Variants in FOCAD observed in about 807,000 individuals in gnomAD.
FOCAD encodes focadhesin.
FOCAD carries 198 observed loss-of-function variants against 225.6 expected under a neutral mutation model. That is an observed-to-expected ratio of 0.88 (90% CI 0.78 to 0.99). FOCAD has a LOEUF of 0.99. Among genes scored for constraint, FOCAD ranks in the 50% least tolerant of loss-of-function variants. FOCAD has a pLI of 0.00. For missense variants in FOCAD, 2,713 were observed against 2,123.6 expected (o/e 1.28, Z -5.46); for synonymous variants, 897 against 755.0 (o/e 1.19, Z -3.08).
intron 19 of FOCAD, among the ~76,000 whole-genome samples, chr9:20,877,535 A>G (rs113734522): frequency 3.3e-5 from 5 of 152,328 alleles, no homozygotes; most frequent in African/African-American, 1.2e-4. Flanking sequence ...CAATCTAACA[A>G]TTATGAGCAG....
intron 15 of FOCAD, among the ~76,000 whole-genome samples, chr9:20,859,440 C>G (rs756958132): frequency 6.7e-6 from 1 of 149,962 alleles, no homozygotes; most frequent in Admixed American, 6.7e-5. Flanking sequence ...TGCAGGTAGT[C>G]TGTATTTTTT....
chr9:20,757,575 T>A (rs1055936096), intron 5 of FOCAD, among the ~76,000 whole-genome samples: 1 of 152,190 alleles, frequency 6.6e-6, no homozygotes, highest in African/African-American at 2.4e-5. Context: ...TTTTTTCTAT[T>A]CTTAAATATG....
At chr9:20,907,434 A>C (rs1387501783) in intron 22 of FOCAD, among the ~76,000 whole-genome samples, 192 bp downstream of exon 22, 6 of 151,910 alleles carry the variant, frequency 3.9e-5, no homozygotes, top group African/African-American at 7.3e-5. Flanking sequence ...ATGCCCCCCA[A>C]ATCCATGTGT....
At chr9:20,881,006 AT>A (rs1830622255) in intron 19 of FOCAD, among the ~76,000 whole-genome samples, 1 of 152,168 alleles carries the variant, frequency 6.6e-6, no homozygotes, top group South Asian at 2.1e-4. Flanking sequence ...TTCTGTTATT[AT>A]ATAGTAAGTA....
At chr9:20,659,590 C>G (rs79458722) in intron 2 of FOCAD, among the ~76,000 whole-genome samples, 1 of 152,018 alleles carries the variant, frequency 6.6e-6, no homozygotes, top group African/African-American at 2.4e-5. Flanking sequence ...AGCTAGGCCT[C>G]GGGAGAAAGC....
Position 20,916,929 on chromosome 9 carries a change from A to C in FOCAD, c.2844A>C (p.Ala948=). ...TGCTGACTGATGAGATCACCAAGGC[A>C]GCTGCAAAGTAAGATCCATTTAGTC... ...RDMLTDEITK[A]AAKESPVVKG... is the part of the protein sequence containing the mutation. The change falls in exon 24 of 44, where the codon GCA becomes GCC. Residue 948 remains alanine (A), a synonymous_variant. Transcript: ENST00000338382. The C allele has an allele frequency of 1.9e-6, 3 of 1,603,728 alleles. No homozygotes were observed. The highest frequency in any genetic ancestry group is 2.6e-6 in the Non-Finnish European group (3 of 1,176,094).
At chr9:20,859,651 A>G (rs1160568778) in intron 15 of FOCAD, among the ~76,000 whole-genome samples, 2 of 147,816 alleles carry the variant, frequency 1.4e-5, no homozygotes, top group African/African-American at 4.9e-5. Context: ...AAATTATTTA[A>G]ACTTATGGAA....
chr9:20,738,275 T>C (rs540259901), intron 4 of FOCAD, among the ~76,000 whole-genome samples: 11 of 152,224 alleles, frequency 7.2e-5, no homozygotes, highest in South Asian at 6.2e-4. Context: ...GGAGATGCCA[T>C]GCAGTCAGAC....
chr9:20,765,609 G>A (rs1379033235), intron 7 of FOCAD, among the ~76,000 whole-genome samples: 1 of 152,180 alleles, frequency 6.6e-6, no homozygotes, highest in East Asian at 1.9e-4. Context: ...GTTAGGACAA[G>A]TACTGTACAT....
chr9:20,989,760 A>C (rs1456466594), intron 41 of FOCAD, among the ~76,000 whole-genome samples: 2 of 152,200 alleles, frequency 1.3e-5, no homozygotes, highest in Admixed American at 1.3e-4. Context: ...ATATTTCTTC[A>C]TTTTGTAAGC....
At chr9:20,715,793 TAGA>T (rs1447083251) in intron 2 of FOCAD, among the ~76,000 whole-genome samples, 1 of 152,124 alleles carries the variant, frequency 6.6e-6, no homozygotes, top group Non-Finnish European at 1.5e-5. Context: ...ACCCCTTATA[TAGA>T]TTTTTATAAT....
rs147061334 is a variant in FOCAD at position 20,671,177 on chromosome 9, G to A, written c.-78+12351G>A. On this transcript the variant is annotated intron_variant, in intron 2 of 45. Transcript: ENST00000380249. The stretch of plus-strand genomic sequence containing the variant: ...ACATACAACCTTATAAATATGTCAG[G>A]CCAATTAGAACTCTTAGTCTTATAT... 2.0e-5 allele frequency among the ~76,000 whole-genome samples: 3 copies of A among 151,628 alleles called. No individual in the cohort carries two copies. The East Asian group carries it at 5.9e-4, about 30-fold the overall frequency.
intron 31 of FOCAD, 27 bp from the exon 32 acceptor site, chr9:20,948,824 T>A (rs777846718): frequency 1.2e-6 from 2 of 1,611,698 alleles, no homozygotes; most frequent in Non-Finnish European, 1.7e-6. Flanking sequence ...GATTCCCTCT[T>A]TTCATATTCT....
intron 11 of FOCAD, among the ~76,000 whole-genome samples, chr9:20,810,744 T>C (rs1822971759): frequency 6.6e-6 from 1 of 152,114 alleles, no homozygotes; most frequent in South Asian, 2.1e-4. Context: ...AATAGTCAGA[T>C]GGCTAATGAG....
chr9:20,820,033 A>G (rs761739705), intron 12 of FOCAD, 133 bp downstream of exon 12: 3 of 540,388 alleles, frequency 5.6e-6, no homozygotes, highest in African/African-American at 2.0e-5. Flanking sequence ...GCTAGGAGGT[A>G]ATATCTAAAG....
Position 20,778,706 on chromosome 9 carries a change from T to C in FOCAD, c.932T>C (p.Ile311Thr), listed in dbSNP as rs767334883. ...GATTTTCCTGTTGAACTGGTCATAA[T>C]TGGAATAGCTTTACTACTTCTACAG... ...KEDFPVELVI[I>T]GIALLLLQTP... The change falls in exon 9 of 44, where the codon ATT (isoleucine) becomes ACT (threonine). Residue 311 changes from isoleucine (I) to threonine (T), a missense_variant. Coordinates refer to ENST00000338382, the MANE Select transcript of FOCAD (RefSeq NM_001375567.1). 3.0e-5 allele frequency: 48 copies of C among 1,611,860 alleles called. No homozygotes were observed. Among genetic ancestry groups the C allele is most frequent in the African/African-American group, 2.7e-5 (2 of 74,888 alleles).
intron 11 of FOCAD, among the ~76,000 whole-genome samples, chr9:20,809,227 G>T (rs567026515): frequency 1.3e-5 from 2 of 152,182 alleles, no homozygotes; most frequent in South Asian, 4.2e-4. Flanking sequence ...ATGCATCTGA[G>T]GCCTTCTCAG....
intron 39 of FOCAD, among the ~76,000 whole-genome samples, chr9:20,982,827 T>C (rs1305350096): frequency 6.6e-6 from 1 of 152,206 alleles, no homozygotes; most frequent in Non-Finnish European, 1.5e-5. Flanking sequence ...AAGTAGCATA[T>C]CAGTAAAGTT....
intron 15 of FOCAD, among the ~76,000 whole-genome samples, chr9:20,826,731 T>C (rs998621914): frequency 2.0e-5 from 3 of 152,114 alleles, no homozygotes; most frequent in African/African-American, 7.2e-5. Context: ...ATTTAATACA[T>C]GGCTCACAAA....
Sources: allele counts gnomAD v4.1 joint callset (sites outside exome capture counted in the v4.1 genomes callset), GRCh38; gene constraint gnomAD v4.1.1; transcripts MANE v1.5; gene names NCBI Gene and HGNC (gene_info 2026-07-23, HGNC 2026-07-21).